The following PFKFB3 variants were observed in gnomAD, a reference collection of about 807,000 sequenced individuals.
The protein encoded by PFKFB3 is 6-phosphofructo-2-kinase/fructose-2,6-bisphosphatase 3.
In PFKFB3, 33 loss-of-function variants were observed where a neutral mutation model predicts 68.0. The ratio of observed to expected loss-of-function variants is 0.49; its 90% CI spans 0.37 to 0.65. The LOEUF (loss-of-function observed/expected upper bound fraction) is 0.65, where lower values mean the gene tolerates loss of function less well. Ranked by LOEUF, PFKFB3 falls within the 30% of genes least tolerant of loss-of-function variation. The pLI is 0.00. For synonymous variants in PFKFB3, 315 were observed against 288.2 expected, an observed-to-expected ratio of 1.09 and a Z score of -0.94; for missense variants, 586 against 712.2, an observed-to-expected ratio of 0.82 and a Z score of 2.02.
chr10:6,200,665 G>C (rs1178462304), upstream of PFKFB3, among the ~76,000 whole-genome samples: 10 of 133,106 alleles, frequency 7.5e-5, 1 homozygote, highest in East Asian at 8.3e-4. Context: ...GGAGCGGGGG[G>C]GGGGGGGGGG....
intron 14 of PFKFB3, among the ~76,000 whole-genome samples, chr10:6,253,104 G>C (rs946933202): frequency 6.6e-6 from 1 of 152,118 alleles, no homozygotes; most frequent in Non-Finnish European, 1.5e-5. Context: ...ATTTTTAGTA[G>C]AGACGGGGTT....
the PFKFB3 span, among the ~76,000 whole-genome samples, chr10:6,277,393 G>A: frequency 9.3e-6 from 1 of 107,882 alleles, no homozygotes. Flanking sequence ...GCTAATTTTT[G>A]TATTTTTAGT....
At position 6,235,262 on chromosome 10, in the gene PFKFB3, T is replaced by C. The variant is rs566503745; in HGVS notation, c.*2320T>C. 1 of 152,880 alleles carries C rather than the reference T, an allele frequency of 6.5e-6. No homozygotes were observed. The highest frequency in any genetic ancestry group is 1.9e-4 in the East Asian group (1 of 5,294). 9.5% of individuals were successfully genotyped at this position (152,880 alleles called of 1,614,324 possible). Reference sequence around the variant, plus strand: ...ATTTTTCTTTGTAATACTTGAAATTTATTTTTTTATTATTTTGATAGCAGA... The same window carrying C: ...ATTTTTCTTTGTAATACTTGAAATTCATTTTTTTATTATTTTGATAGCAGA... On this transcript the variant is annotated 3_prime_UTR_variant, in exon 15 of 15. Coordinates refer to ENST00000379775, the MANE Select transcript of PFKFB3 (RefSeq NM_004566.4).
chr10:6,273,002 CTTTTTTT>C, the PFKFB3 span, among the ~76,000 whole-genome samples: 152 of 74,142 alleles, frequency 2.1e-3, 7 homozygotes, highest in South Asian at 0.08. Flanking sequence ...AGATTGCAGG[CTTTTTTT>C]TTTTTTTTTT....
At chr10:6,271,382 C>T in the PFKFB3 span, among the ~76,000 whole-genome samples, 1 of 152,244 alleles carries the variant, frequency 6.6e-6, no homozygotes, top group East Asian at 1.9e-4. Context: ...CTGACAGCTG[C>T]CTCCTGGGGG....
intron 1 of PFKFB3, among the ~76,000 whole-genome samples, chr10:6,205,905 C>G (rs1312914922): frequency 6.6e-6 from 1 of 152,042 alleles, no homozygotes; most frequent in Non-Finnish European, 1.5e-5. Context: ...TCAAGTGATG[C>G]TCCCGCCTCA....
intron 7 of PFKFB3, among the ~76,000 whole-genome samples, chr10:6,219,944 T>G (rs1343240180): frequency 6.6e-6 from 1 of 152,212 alleles, no homozygotes; most frequent in Admixed American, 6.5e-5. Context: ...CAATCCTTGA[T>G]GACAAATCAT....
intron 1 of PFKFB3, among the ~76,000 whole-genome samples, chr10:6,194,117 A>G (rs2131829657): frequency 6.6e-6 from 1 of 152,352 alleles, no homozygotes; most frequent in East Asian, 1.9e-4. Flanking sequence ...ATAAGGGAGC[A>G]GAGGTCTAGA....
chr10:6,190,708 G>A (rs142979228), intron 1 of PFKFB3, among the ~76,000 whole-genome samples: 4 of 152,304 alleles, frequency 2.6e-5, no homozygotes, highest in Admixed American at 1.3e-4. Context: ...GAATAGGCTC[G>A]TGTGTTTCTT....
intron 1 of PFKFB3, among the ~76,000 whole-genome samples, chr10:6,206,819 ACGCTCCT>A (rs1564619667): frequency 0.39 from 17,615 of 44,764 alleles, 2,763 homozygotes; most frequent in Middle Eastern, 0.55. Context: ...CCGGGCAGAG[ACGCTCCT>A]CACTTCCCAG....
chr10:6,195,918 C>T (rs191201453), intron 1 of PFKFB3, among the ~76,000 whole-genome samples: 9 of 152,282 alleles, frequency 5.9e-5, no homozygotes, highest in African/African-American at 1.9e-4. Flanking sequence ...GGCAAGGTTG[C>T]GGGTTCCAAC....
At position 6,220,677 on chromosome 10, in the gene PFKFB3, G is replaced by A. The variant is rs1378693198; in HGVS notation, c.643G>A (p.Val215Met). The change falls in exon 8 of 15, where the codon GTG becomes ATG. Residue 215 changes from valine (V) to methionine (M), a missense_variant. Val to Met is a conservative substitution (Grantham distance 21, BLOSUM62 1). Transcript: ENST00000379775. This position sits in a 1 kb window ranked among gnomAD's most constrained non-coding sequence, Gnocchi z 4.1. ...KCDRDLSLIK[V>M]IDVGRRFLVN... ...CTGCAGGGACTTGTCGCTGATCAAG[G>A]TGATTGACGTGGGCCGGAGGTTCCT... 5.6e-6 allele frequency: 9 copies of A among 1,613,998 alleles called. No individual in the cohort carries two copies. The highest frequency in any genetic ancestry group is 1.1e-5 in the South Asian group (1 of 91,074).
At chr10:6,210,586 G>GATCCGCCCGCCTCAGCC (rs1325996963) in intron 1 of PFKFB3, among the ~76,000 whole-genome samples, 7 of 34,576 alleles carry the variant, frequency 2.0e-4, no homozygotes, top group African/African-American at 4.3e-4. Context: ...TCTTGATAGT[G>GATCCGCCCGCCTCAGCC]TTTTTAATAG....
chr10:6,152,012 T>C (rs75227800), intron 1 of PFKFB3, among the ~76,000 whole-genome samples: 8,684 of 151,766 alleles, frequency 0.057, 526 homozygotes, highest in Admixed American at 0.19. Flanking sequence ...AATTCTGATT[T>C]GATAGTTTCT....
intron 1 of PFKFB3, among the ~76,000 whole-genome samples, chr10:6,169,944 A>G (rs1208839295): frequency 6.6e-6 from 1 of 152,196 alleles, no homozygotes; most frequent in East Asian, 1.9e-4. Flanking sequence ...TTGGGAGTGC[A>G]CTGGCCTTGC....
At chr10:6,204,378 C>G (rs1406624644) in intron 1 of PFKFB3, among the ~76,000 whole-genome samples, 1 of 152,250 alleles carries the variant, frequency 6.6e-6, no homozygotes, top group African/African-American at 2.4e-5. Context: ...CATCCGAAGG[C>G]GCCTGAGCGC....
At chr10:6,182,338 T>C (rs375068379) in intron 1 of PFKFB3, among the ~76,000 whole-genome samples, 46 of 152,278 alleles carry the variant, frequency 3.0e-4, no homozygotes, top group African/African-American at 1.1e-3. Context: ...CAGGAGGGTC[T>C]GAGCTGGGAG....
the PFKFB3 span, among the ~76,000 whole-genome samples, chr10:6,291,647 T>A: frequency 6.6e-6 from 1 of 152,120 alleles, no homozygotes; most frequent in Non-Finnish European, 1.5e-5. Flanking sequence ...GAAAGAAGTT[T>A]CCATTATGCA....
chr10:6,206,805 GCGGCCGGGCAGAGACGC>G (rs1271409045), intron 1 of PFKFB3, among the ~76,000 whole-genome samples: 5 of 58,536 alleles, frequency 8.5e-5, no homozygotes, highest in South Asian at 6.8e-4. Context: ...CAGACGATGG[GCGGCCGGGCAGAGACGC>G]TCCTCACTTC....
Sources: gnomAD v4.1 joint callset for allele counts (sites outside exome capture counted in the v4.1 genomes callset) on GRCh38, gnomAD v4.1.1 for gene constraint, Gnocchi (gnomAD v3.1) non-coding constraint, MANE v1.5 for transcripts, NCBI Gene and HGNC (gene_info 2026-07-23, HGNC 2026-07-21) for gene names.